ATP2B2: variants seen among roughly 807,000 people sequenced by gnomAD.
ATP2B2 encodes the protein plasma membrane calcium-transporting ATPase 2.
ATP2B2 carries 15 observed loss-of-function variants against 120.0 expected under a neutral mutation model. The observed-to-expected ratio is 0.12, with a 90% CI of 0.08 to 0.19. The LOEUF (loss-of-function observed/expected upper bound fraction) is 0.19. ATP2B2 is among the 10% of genes least tolerant of loss of function. The pLI is 1.00. For missense variants in ATP2B2, 1,045 were observed against 1,719.8 expected (o/e 0.61, Z 6.94); for synonymous variants, 694 against 700.3 (o/e 0.99, Z 0.14).
At chr3:10,644,496 G>T (rs949796764) in intron 1 of ATP2B2, among the ~76,000 whole-genome samples, 16 of 152,104 alleles carry the variant, frequency 1.1e-4, no homozygotes, top group African/African-American at 3.9e-4. Flanking sequence ...AAAGTCAAAA[G>T]GTGGAAGCAA....
Position 10,410,615 on chromosome 3 carries a change from T to C in ATP2B2, c.397+3A>G. ...CGGTTCGTGGGTCTGAGGCCCATCT[T>C]ACCTTCGTTGCCCTCGCCGGGCGGG... On this transcript the variant is annotated splice_donor_region_variant and intron_variant, in intron 3 of 22. Transcript: ENST00000360273. 2 of 1,602,292 alleles carry C rather than the reference T, an allele frequency of 1.2e-6. No homozygotes were observed. Among genetic ancestry groups the C allele is most frequent in the African/African-American group, 1.3e-5 (1 of 74,760 alleles).
intron 3 of ATP2B2, among the ~76,000 whole-genome samples, chr3:10,532,254 G>A (rs958855372): frequency 7.2e-5 from 11 of 152,188 alleles, no homozygotes; most frequent in African/African-American, 2.4e-4. Context: ...CATTCATAAA[G>A]GCACATGAGA....
intron 8 of ATP2B2, among the ~76,000 whole-genome samples, chr3:10,379,945 CCT>C (rs1300794221): frequency 6.6e-6 from 1 of 152,090 alleles, no homozygotes; most frequent in Non-Finnish European, 1.5e-5. Flanking sequence ...GCCCAATGCC[CCT>C]GAGAGTGACC....
At chr3:10,496,393 A>G (rs2125387195) in intron 1 of ATP2B2, among the ~76,000 whole-genome samples, 1 of 152,282 alleles carries the variant, frequency 6.6e-6, no homozygotes, top group Non-Finnish European at 1.5e-5. Flanking sequence ...GCAATTGCAC[A>G]CAGCATCCCA....
At chr3:10,444,150 G>A (rs1334354503) in intron 2 of ATP2B2, among the ~76,000 whole-genome samples, 2 of 152,324 alleles carry the variant, frequency 1.3e-5, no homozygotes. Context: ...GAGTGGGGCA[G>A]CAAGGCTTTC....
intron 2 of ATP2B2, among the ~76,000 whole-genome samples, chr3:10,585,532 T>G (rs971160674): frequency 8.3e-6 from 1 of 120,892 alleles, no homozygotes; most frequent in Non-Finnish European, 1.7e-5. Context: ...CAGTGAGAGC[T>G]CCATTCGCTG....
intron 1 of ATP2B2, among the ~76,000 whole-genome samples, chr3:10,648,276 ATC>A (rs1034917978): frequency 6.6e-6 from 1 of 151,876 alleles, no homozygotes; most frequent in African/African-American, 2.4e-5. Flanking sequence ...CCTGGAGACA[ATC>A]TCTTCCCTTG....
chr3:10,621,606 C>T (rs1016001034), intron 1 of ATP2B2, among the ~76,000 whole-genome samples: 1 of 152,216 alleles, frequency 6.6e-6, no homozygotes, highest in African/African-American at 2.4e-5. Flanking sequence ...GCCTGGGATC[C>T]ATGAGGCTGC....
intron 1 of ATP2B2, among the ~76,000 whole-genome samples, chr3:10,643,915 T>C (rs568323440): frequency 6.6e-6 from 1 of 151,870 alleles, no homozygotes; most frequent in South Asian, 2.1e-4. Flanking sequence ...AAAAAGGAAA[T>C]AGATAAATTG....
chr3:10,667,742 AGCG>A (rs149729317), intron 1 of ATP2B2, among the ~76,000 whole-genome samples: 4,270 of 152,306 alleles, frequency 0.028, 78 homozygotes, highest in South Asian at 0.088. Flanking sequence ...CAGATCCAGC[AGCG>A]TGCTCTGAGT....
intron 2 of ATP2B2, 26 bp from the exon 3 acceptor site, chr3:10,410,841 G>C (rs1331861123): frequency 6.2e-7 from 1 of 1,610,740 alleles, no homozygotes; most frequent in Non-Finnish European, 8.5e-7. Context: ...AGAGAGGTTG[G>C]CTGGGGGCCT....
At chr3:10,332,658 G>A (rs1283311723) in intron 22 of ATP2B2, among the ~76,000 whole-genome samples, 1 of 152,208 alleles carries the variant, frequency 6.6e-6, no homozygotes, top group Non-Finnish European at 1.5e-5. Flanking sequence ...CGGAATGGAA[G>A]TTCAGCCTCT....
chr3:10,689,254 G>A (rs868610032), intron 1 of ATP2B2, among the ~76,000 whole-genome samples: 5 of 152,214 alleles, frequency 3.3e-5, no homozygotes, highest in African/African-American at 1.2e-4. Flanking sequence ...TGTGGGTGGC[G>A]GGGCACATGA....
At chr3:10,348,788 T>A (rs941574500) in intron 16 of ATP2B2, among the ~76,000 whole-genome samples, 5 of 152,234 alleles carry the variant, frequency 3.3e-5, no homozygotes. Context: ...CAATGCCTGC[T>A]GCGTGCAGCC....
chr3:10,536,158 T>G (rs772001895), intron 2 of ATP2B2, among the ~76,000 whole-genome samples: 1 of 152,206 alleles, frequency 6.6e-6, no homozygotes, highest in Non-Finnish European at 1.5e-5. Context: ...TGCTTATTTG[T>G]CATCTATATA....
At position 10,342,394 on chromosome 3, in the gene ATP2B2, G is replaced by A. The variant is rs922658098; in HGVS notation, c.2917+358C>T. ...TCCACGGGGCCAGGATAAGGTGCTGGAATGGGTCAGAGAAGGGGTGAGTCA... is the reference window on the plus strand; with the variant it reads ...TCCACGGGGCCAGGATAAGGTGCTGAAATGGGTCAGAGAAGGGGTGAGTCA... On this transcript the variant is annotated intron_variant, in intron 19 of 22. Transcript: ENST00000360273. The surrounding 1 kb of genome is among the most constrained non-coding windows in gnomAD (Gnocchi z 4.4). Among the ~76,000 whole-genome samples, 1 of 152,190 alleles carries A rather than the reference G, an allele frequency of 6.6e-6. No homozygotes were observed. Among genetic ancestry groups the A allele is most frequent in the Non-Finnish European group, 1.5e-5 (1 of 68,026 alleles).
At chr3:10,460,928 G>A (rs1325162111) in intron 1 of ATP2B2, among the ~76,000 whole-genome samples, 1 of 152,188 alleles carries the variant, frequency 6.6e-6, no homozygotes, top group African/African-American at 2.4e-5. Context: ...ACCCACAGAG[G>A]TGCCAGGGGA....
At chr3:10,666,353 A>T (rs1026666781) in intron 1 of ATP2B2, among the ~76,000 whole-genome samples, 1 of 152,160 alleles carries the variant, frequency 6.6e-6, no homozygotes, top group African/African-American at 2.4e-5. Flanking sequence ...CAGATGCCAG[A>T]CCTGGAACCT....
chr3:10,618,414 G>C (rs771729227), intron 2 of ATP2B2, among the ~76,000 whole-genome samples: 1 of 152,240 alleles, frequency 6.6e-6, no homozygotes, highest in African/African-American at 2.4e-5. Context: ...TGAACAAGGA[G>C]ACAAGGCCCT....
Sources: gnomAD v4.1 joint callset for allele counts (sites outside exome capture counted in the v4.1 genomes callset) on GRCh38, gnomAD v4.1.1 for gene constraint, Gnocchi (gnomAD v3.1) non-coding constraint, MANE v1.5 for transcripts, NCBI Gene and HGNC (gene_info 2026-07-23, HGNC 2026-07-21) for gene names.